Variants in TGFBRAP1 observed in about 807,000 individuals in gnomAD.
TGFBRAP1 encodes the protein transforming growth factor beta receptor associated protein 1, also known as transforming growth factor-beta receptor-associated protein 1.
Under a neutral mutation model 83.2 loss-of-function variants are expected in TGFBRAP1, and 20 were observed. The ratio of observed to expected loss-of-function variants is 0.24; its 90% CI spans 0.17 to 0.35. The LOEUF is 0.35. Ranked by LOEUF, TGFBRAP1 falls within the 10% of genes least tolerant of loss-of-function variation. TGFBRAP1 has a pLI of 1.00. For synonymous variants in TGFBRAP1, 415 were observed against 459.8 expected (o/e 0.90, Z 1.25); for missense variants, 950 against 1,099.4 (o/e 0.86, Z 1.92).
intron 4 of TGFBRAP1, among the ~76,000 whole-genome samples, chr2:105,295,412 A>G (rs1428068037): frequency 6.6e-6 from 1 of 152,260 alleles, no homozygotes; most frequent in Non-Finnish European, 1.5e-5. Context: ...AATAACCTGT[A>G]CAACCTAATA....
the TGFBRAP1 span, among the ~76,000 whole-genome samples, chr2:105,257,368 T>A: frequency 2.0e-5 from 3 of 152,300 alleles, no homozygotes; most frequent in South Asian, 6.2e-4. Context: ...TATGCAATCA[T>A]CACCACCATC....
At chr2:105,283,409 C>A (rs1053463590) in intron 5 of TGFBRAP1, among the ~76,000 whole-genome samples, 1 of 152,194 alleles carries the variant, frequency 6.6e-6, no homozygotes, top group African/African-American at 2.4e-5. Flanking sequence ...TCCTACAGAA[C>A]AGGCAAGGGA....
At chr2:105,328,827 G>A (rs1203742351) in intron 1 of TGFBRAP1, among the ~76,000 whole-genome samples, 2 of 152,208 alleles carry the variant, frequency 1.3e-5, no homozygotes, top group Non-Finnish European at 2.9e-5. Context: ...CCAGGTAGGA[G>A]GCTTCCTGAG....
chr2:105,282,246 G>A (rs368010778), intron 5 of TGFBRAP1, among the ~76,000 whole-genome samples: 7 of 152,130 alleles, frequency 4.6e-5, no homozygotes, highest in Non-Finnish European at 7.3e-5. Flanking sequence ...CTCAGGCCAC[G>A]TTTGCTGAAT....
chr2:105,300,434 C>CTTT (rs769660664), intron 2 of TGFBRAP1, among the ~76,000 whole-genome samples: 19 of 119,020 alleles, frequency 1.6e-4, no homozygotes, highest in South Asian at 3.1e-4. Context: ...GGAGTAAAAT[C>CTTT]TTTTTTTTTT....
intron 4 of TGFBRAP1, 132 bp from the exon 5 acceptor site, chr2:105,284,530 G>T (rs753342623): frequency 2.1e-5 from 16 of 760,182 alleles, no homozygotes; most frequent in Non-Finnish European, 2.9e-5. Context: ...AAAAAACAAG[G>T]TGCATATGAA....
At chr2:105,255,223 T>G in the TGFBRAP1 span, among the ~76,000 whole-genome samples, 1 of 152,370 alleles carries the variant, frequency 6.6e-6, no homozygotes, top group Non-Finnish European at 1.5e-5. Flanking sequence ...CTTTGATAAC[T>G]GGGCCCTTGC....
chr2:105,291,013 AT>A (rs1288979825), intron 4 of TGFBRAP1, among the ~76,000 whole-genome samples: 1 of 152,148 alleles, frequency 6.6e-6, no homozygotes, highest in East Asian at 1.9e-4. Flanking sequence ...ACTCAAAAAA[AT>A]AAATCAATAA....
chr2:105,254,495 G>C, the TGFBRAP1 span, among the ~76,000 whole-genome samples: 2 of 152,078 alleles, frequency 1.3e-5, no homozygotes, highest in African/African-American at 2.4e-5. Flanking sequence ...ATATATAGGA[G>C]AGTATAAAAG....
chr2:105,275,506 C>G (rs1256058837), intron 8 of TGFBRAP1, 54 bp downstream of exon 8: 1 of 1,594,054 alleles, frequency 6.3e-7, no homozygotes, highest in African/African-American at 1.4e-5. Context: ...CTTTTGGGGT[C>G]TGTTTTTACC....
At chr2:105,259,686 T>C (rs2104287420), downstream of TGFBRAP1, among the ~76,000 whole-genome samples, 1 of 152,358 alleles carries the variant, frequency 6.6e-6, no homozygotes, top group Admixed American at 6.5e-5. Context: ...CTCTGTCATC[T>C]GCTCTGACCT....
chr2:105,273,039 C>G (rs1199343938), intron 9 of TGFBRAP1, 25 bp from the exon 10 acceptor site: 3 of 1,602,676 alleles, frequency 1.9e-6, no homozygotes, highest in East Asian at 2.2e-5. Context: ...GGGAGCCAAG[C>G]AGACAGACAG....
At position 105,273,009 on chromosome 2, in the gene TGFBRAP1, T is replaced by C. The variant is rs768673671; in HGVS notation, c.1818A>G (p.Glu606=). The part of the protein sequence containing the change: ...HLVIDKRLQK[E]EYHTHLAVLY... Reference sequence around the variant, plus strand: ...GCACAGCTAAGTGGGTGTGATACTCTTCTTTCTGCAGGAAACAGGGGGAGC... The same window carrying C: ...GCACAGCTAAGTGGGTGTGATACTCCTCTTTCTGCAGGAAACAGGGGGAGC... The change falls in exon 10 of 12, where the codon GAA becomes GAG. Residue 606 remains glutamate, a synonymous_variant. Transcript: ENST00000393359. The C allele has an allele frequency of 1.2e-6, 2 of 1,609,610 alleles. No individual in the cohort carries two copies. The highest frequency in any genetic ancestry group is 1.3e-5 in the African/African-American group (1 of 74,484).
intron 2 of TGFBRAP1, among the ~76,000 whole-genome samples, chr2:105,306,325 G>A (rs1678498528): frequency 6.6e-6 from 1 of 152,070 alleles, no homozygotes; most frequent in Non-Finnish European, 1.5e-5. Context: ...GCCTCCCAAA[G>A]TGCTGGGATT....
At chr2:105,319,423 G>T (rs1678989087) in intron 1 of TGFBRAP1, among the ~76,000 whole-genome samples, 1 of 147,216 alleles carries the variant, frequency 6.8e-6, no homozygotes, top group South Asian at 2.3e-4. Context: ...CAGGCGCAGT[G>T]GCTCACGCCT....
chr2:105,308,095 C>T lies in TGFBRAP1; in HGVS notation c.207G>A (p.Leu69=). ...GPATFTATKQ[L]QRHLGFKKPV... ...GCTTCTTGAAGCCCAAGTGTCTCTG[C>T]AGCTGTTTGGTGGCAGTGAACGTGG... Residue 69 remains leucine (L), a synonymous_variant, in exon 2 of 12, where the codon CTG becomes CTA. Transcript: ENST00000393359. 1 of 1,614,124 alleles carries T rather than the reference C, an allele frequency of 6.2e-7. No individual in the cohort carries two copies. The highest frequency in any genetic ancestry group is 8.5e-7 in the Non-Finnish European group (1 of 1,180,008).
At chr2:105,288,502 G>A (rs1677792275) in intron 4 of TGFBRAP1, among the ~76,000 whole-genome samples, 1 of 152,172 alleles carries the variant, frequency 6.6e-6, no homozygotes, top group Non-Finnish European at 1.5e-5. Context: ...CCAAAGCGCA[G>A]AGGACAGTCT....
chr2:105,304,681 G>C (rs950235415), intron 2 of TGFBRAP1, among the ~76,000 whole-genome samples: 42 of 152,206 alleles, frequency 2.8e-4, no homozygotes, highest in African/African-American at 1.0e-3. Context: ...TACTCGGGAG[G>C]TTAAGGCAGG....
chr2:105,293,143 C>A (rs1677971125), intron 4 of TGFBRAP1, among the ~76,000 whole-genome samples: 1 of 151,946 alleles, frequency 6.6e-6, no homozygotes. Context: ...GGCATCCGTG[C>A]TTTTAGAGAC....
Sources: gnomAD v4.1 joint callset for allele counts (sites outside exome capture counted in the v4.1 genomes callset) on GRCh38, gnomAD v4.1.1 for gene constraint, MANE v1.5 for transcripts, NCBI Gene and HGNC (gene_info 2026-07-23, HGNC 2026-07-21) for gene names.